Variants in ANKRD30B observed in about 807,000 individuals in gnomAD.
ANKRD30B encodes the protein ankyrin repeat domain-containing protein 30B.
Under a neutral mutation model 202.2 loss-of-function variants are expected in ANKRD30B, and 144 were observed. The observed-to-expected ratio is 0.71, with a 90% CI of 0.62 to 0.82. The LOEUF is 0.82. Ranked by LOEUF, ANKRD30B falls within the 40% of genes least tolerant of loss-of-function variation. The pLI is 0.00. For synonymous variants in ANKRD30B, 508 were observed against 561.3 expected (o/e 0.91, Z 1.34); for missense variants, 1,487 against 1,669.1 (o/e 0.89, Z 1.90).
chr18:14,799,051 G>C, intron 20 of ANKRD30B, 50 bp from the exon 21 acceptor site: 1 of 1,475,856 alleles, frequency 6.8e-7, no homozygotes, highest in South Asian at 1.1e-5. Flanking sequence ...CGTTTGGTAG[G>C]CTTTGTCAAG....
At chr18:14,783,661 A>G (rs1470636735) in intron 12 of ANKRD30B, among the ~76,000 whole-genome samples, 2 of 152,134 alleles carry the variant, frequency 1.3e-5, no homozygotes, top group Non-Finnish European at 2.9e-5. Context: ...TTTATGTTTA[A>G]TACATCTATT....
Position 14,760,628 on chromosome 18 carries a change from C to T in ANKRD30B, c.820+10C>T, listed in dbSNP as rs1277348521. 2.6e-6 allele frequency: 4 copies of T among 1,521,946 alleles called. No individual in the cohort carries two copies. The highest frequency in any genetic ancestry group is 1.4e-5 in the African/African-American group (1 of 71,684). 94.3% of individuals were successfully genotyped at this position (1,521,946 alleles called of 1,614,324 possible). ...CAAAATACCAATCCAGGTAAGACTT[C>T]GGATAGCAAACTACTCTTGATGGTG... On this transcript the variant is annotated intron_variant, in intron 6 of 43. Transcript: ENST00000690538.
chr18:14,892,967 T>A, the ANKRD30B span, among the ~76,000 whole-genome samples: 1 of 152,050 alleles, frequency 6.6e-6, no homozygotes, highest in Admixed American at 6.6e-5. Flanking sequence ...ATTTTTAATC[T>A]TATCCCTCCA....
At chr18:14,933,512 C>T in the ANKRD30B span, among the ~76,000 whole-genome samples, 360 of 152,066 alleles carry the variant, frequency 2.4e-3, 2 homozygotes, top group African/African-American at 8.4e-3. Context: ...GCCAGGAAAT[C>T]GGGACTGGGT....
intron 16 of ANKRD30B, among the ~76,000 whole-genome samples, chr18:14,794,370 G>A (rs1194167663): frequency 1.3e-5 from 2 of 151,278 alleles, no homozygotes; most frequent in Non-Finnish European, 2.9e-5. Flanking sequence ...ATCTCTGCGT[G>A]TTTTGCTTTT....
chr18:14,832,001 T>A (rs1221366760), intron 34 of ANKRD30B, among the ~76,000 whole-genome samples: 1 of 152,144 alleles, frequency 6.6e-6, no homozygotes, highest in Non-Finnish European at 1.5e-5. Context: ...TCATGTAGTT[T>A]TTAGGAGAGA....
At chr18:14,837,576 A>G in intron 35 of ANKRD30B, 39 bp from the exon 36 acceptor site, 1 of 1,416,020 alleles carries the variant, frequency 7.1e-7, no homozygotes, top group Non-Finnish European at 9.5e-7. Flanking sequence ...TACAGTAATA[A>G]ACATTCTCAT....
chr18:14,912,193 T>C, the ANKRD30B span, among the ~76,000 whole-genome samples: 1 of 152,324 alleles, frequency 6.6e-6, no homozygotes, highest in South Asian at 2.1e-4. Context: ...CTTGTTTTGC[T>C]TCAGTTCTTA....
At chr18:14,838,557 T>A (rs71350532) in intron 36 of ANKRD30B, among the ~76,000 whole-genome samples, 5 of 152,212 alleles carry the variant, frequency 3.3e-5, no homozygotes, top group African/African-American at 4.8e-5. Flanking sequence ...CATTTATGGC[T>A]GCCATGTTTG....
chr18:14,873,981 G>C, the ANKRD30B span, among the ~76,000 whole-genome samples: 9 of 152,146 alleles, frequency 5.9e-5, no homozygotes, highest in African/African-American at 2.2e-4. Flanking sequence ...TATGTGGTAA[G>C]GTGGCTGAGA....
chr18:14,756,126 G>GT (rs1240704041), intron 4 of ANKRD30B, among the ~76,000 whole-genome samples: 1 of 152,124 alleles, frequency 6.6e-6, no homozygotes, highest in Non-Finnish European at 1.5e-5. Context: ...TCTCATTGTG[G>GT]TTTTGATTTG....
chr18:14,876,822 C>CA, the ANKRD30B span, among the ~76,000 whole-genome samples: 1 of 152,214 alleles, frequency 6.6e-6, no homozygotes, highest in Non-Finnish European at 1.5e-5. Context: ...CCCTTAAGTT[C>CA]ACCTGTTTAT....
At chr18:14,923,418 CCTGTGGAAAGAGGAGAG>C in the ANKRD30B span, among the ~76,000 whole-genome samples, 1 of 152,196 alleles carries the variant, frequency 6.6e-6, no homozygotes, top group East Asian at 1.9e-4. Flanking sequence ...GGCTTCACTG[CCTGTGGAAAGAGGAGAG>C]AAGAGTGAGA....
In ANKRD30B at chr18:14,754,897, A is replaced by G; in HGVS notation, c.511-2A>G. Reference sequence around the variant, plus strand: ...ATTATATATTGTTCTGCTATTTTACAGGCTAGCCTCACACCCCTTTTACTG... The same window carrying G: ...ATTATATATTGTTCTGCTATTTTACGGGCTAGCCTCACACCCCTTTTACTG... On this transcript the variant is annotated splice_acceptor_variant, in intron 3 of 43. Transcript: ENST00000690538. LOFTEE classifies it high-confidence loss of function. 6.6e-7 allele frequency: 1 copy of G among 1,513,958 alleles called. No individual in the cohort carries two copies. Among genetic ancestry groups the G allele is most frequent in the Non-Finnish European group, 8.8e-7 (1 of 1,133,342 alleles). 93.8% of individuals were successfully genotyped at this position (1,513,958 alleles called of 1,614,324 possible).
intron 18 of ANKRD30B, among the ~76,000 whole-genome samples, chr18:14,797,304 C>T (rs551532612): frequency 9.2e-5 from 14 of 152,210 alleles, no homozygotes; most frequent in African/African-American, 2.2e-4. Context: ...ATCTTGGTGA[C>T]GCGAAACCTC....
intron 22 of ANKRD30B, among the ~76,000 whole-genome samples, chr18:14,799,530 T>C (rs12607816): frequency 0.4 from 60,725 of 151,934 alleles, 13,659 homozygotes; most frequent in East Asian, 0.58. Context: ...AATATCCCGA[T>C]AGTATAAAGT....
chr18:14,833,580 C>G (rs1009750777), intron 34 of ANKRD30B, among the ~76,000 whole-genome samples: 20 of 152,126 alleles, frequency 1.3e-4, no homozygotes, highest in African/African-American at 4.3e-4. Context: ...AATTTTTTCT[C>G]TCTCTGTAGT....
At chr18:14,860,664 G>C in the ANKRD30B span, among the ~76,000 whole-genome samples, 1 of 151,332 alleles carries the variant, frequency 6.6e-6, no homozygotes, top group Admixed American at 6.6e-5. Context: ...AAAAGATTGG[G>C]GCCTAGCGTT....
intron 24 of ANKRD30B, among the ~76,000 whole-genome samples, chr18:14,806,587 G>A (rs1300496314): frequency 6.7e-6 from 1 of 149,734 alleles, no homozygotes; most frequent in Non-Finnish European, 1.5e-5. Context: ...GAACTTCAGG[G>A]ATAATCAGAT....
Sources: gnomAD v4.1 joint callset for allele counts (sites outside exome capture counted in the v4.1 genomes callset) on GRCh38, gnomAD v4.1.1 for gene constraint, MANE v1.5 for transcripts, NCBI Gene and HGNC (gene_info 2026-07-23, HGNC 2026-07-21) for gene names.